The following ZNF518B variants were observed in gnomAD, a reference collection of about 807,000 sequenced individuals.
The protein encoded by ZNF518B is zinc finger protein 518B.
ZNF518B carries 23 observed loss-of-function variants against 56.3 expected under a neutral mutation model. The observed-to-expected ratio is 0.41, with a 90% CI of 0.29 to 0.58. The LOEUF (loss-of-function observed/expected upper bound fraction) is 0.58, where lower values mean the gene tolerates loss of function less well. Among genes scored for constraint, ZNF518B ranks in the 20% least tolerant of loss-of-function variants. The probability of loss-of-function intolerance (pLI) is 0.32; values close to 1 mark genes in which losing one functional copy is unlikely to be tolerated. For missense variants in ZNF518B, 1,460 were observed against 1,272.1 expected (o/e 1.15, Z -2.25); for synonymous variants, 529 against 465.9 (o/e 1.14, Z -1.74).
Position 10,445,435 on chromosome 4 carries a change from A to T in ZNF518B, c.894T>A (p.Ser298=). 6.2e-7 allele frequency: 1 copy of T among 1,614,244 alleles called. No individual in the cohort carries two copies. Among genetic ancestry groups the T allele is most frequent in the Non-Finnish European group, 8.5e-7 (1 of 1,180,040 alleles). The change falls in exon 3 of 3, where the codon TCT becomes TCA. Residue 298 remains serine (S), a synonymous_variant. Coordinates refer to ENST00000326756, the MANE Select transcript of ZNF518B (RefSeq NM_053042.3). ...VVCIPNKMTL[S]EPNEVNLFEN... is the part of the protein sequence containing the mutation. ...CAAATAGGTTGACTTCATTTGGCTC[A>T]GACAGGGTCATTTTATTTGGAATAC...
At chr4:10,448,489 T>C (rs556816672) in intron 2 of ZNF518B, among the ~76,000 whole-genome samples, 2 of 152,280 alleles carry the variant, frequency 1.3e-5, no homozygotes, top group South Asian at 4.1e-4. Context: ...TGACAAGCTG[T>C]ATTTTCTTTG....
chr4:10,448,645 G>T (rs1715171315), intron 2 of ZNF518B, among the ~76,000 whole-genome samples: 1 of 151,940 alleles, frequency 6.6e-6, no homozygotes, highest in Non-Finnish European at 1.5e-5. Flanking sequence ...ATGGAGGCCT[G>T]CAGGGTTGCA....
chr4:10,448,724 T>C (rs931195210), intron 2 of ZNF518B, among the ~76,000 whole-genome samples: 3 of 152,200 alleles, frequency 2.0e-5, no homozygotes, highest in Middle Eastern at 3.4e-3. Flanking sequence ...GACCATGATT[T>C]TGCACAGGAC....
upstream of ZNF518B, among the ~76,000 whole-genome samples, chr4:10,459,805 TG>T (rs1715686300): frequency 6.6e-6 from 1 of 152,142 alleles, no homozygotes; most frequent in Admixed American, 6.5e-5. Context: ...AGAGGGAGCA[TG>T]GCCCTGTGGA....
chr4:10,451,422 T>C (rs1378966653), intron 2 of ZNF518B: 1 of 152,222 alleles, frequency 6.6e-6, no homozygotes, highest in Non-Finnish European at 1.5e-5. Context: ...TTTCTAGATA[T>C]ACAACCTGGG....
intron 2 of ZNF518B, chr4:10,450,892 TG>T (rs1715275135): frequency 6.6e-6 from 1 of 152,238 alleles, no homozygotes; most frequent in South Asian, 2.1e-4. Context: ...ATTAATTTTA[TG>T]GTGCAATAAA....
rs1358340558 is a variant in ZNF518B at position 10,441,439 on chromosome 4, G to A, written c.*1665C>T. The A allele has an allele frequency of 5.1e-4, 71 of 140,094 alleles. No homozygotes were observed. Among genetic ancestry groups the A allele is most frequent in the East Asian group, 8.3e-4 (4 of 4,830 alleles). 8.7% of individuals were successfully genotyped at this position (140,094 alleles called of 1,614,324 possible). Reference sequence around the variant, plus strand: ...ACTGGAATCTAAGACTTTCCCATGTGAAAAAAAAAAAAAAAAATCAAAGTC... The same window carrying A: ...ACTGGAATCTAAGACTTTCCCATGTAAAAAAAAAAAAAAAAAATCAAAGTC... On this transcript the variant is annotated 3_prime_UTR_variant, in exon 3 of 3. Coordinates refer to ENST00000326756, the MANE Select transcript of ZNF518B (RefSeq NM_053042.3).
chr4:10,443,367 G>A lies in ZNF518B; in HGVS notation c.2962C>T (p.His988Tyr), dbSNP rs1714773245. ...RTRCQLGIRR[H>Y]HVRLTYQNAE... ...TTCTGGTAGGTCAGGCGTACATGAT[G>A]CCGTCTGATGCCTAGCTGACACCTA... The change falls in exon 3 of 3, where the codon CAT becomes TAT. Residue 988 changes from histidine to tyrosine, a missense_variant. Coordinates refer to ENST00000326756, the MANE Select transcript of ZNF518B (RefSeq NM_053042.3). The A allele has an allele frequency of 6.2e-7, 1 of 1,614,240 alleles. No homozygotes were observed. Among genetic ancestry groups the A allele is most frequent in the Non-Finnish European group, 8.5e-7 (1 of 1,180,038 alleles).
chr4:10,444,404 C>A lies in ZNF518B; in HGVS notation c.1925G>T (p.Gly642Val). The A allele has an allele frequency of 1.2e-6, 2 of 1,614,170 alleles. No individual in the cohort carries two copies. Among genetic ancestry groups the A allele is most frequent in the South Asian group, 2.2e-5 (2 of 91,082 alleles). Residue 642 changes from glycine (G) to valine (V), a missense_variant, in exon 3 of 3, where the codon GGA becomes GTA. Physicochemically the swap from Gly to Val is moderately radical, Grantham distance 109. Coordinates refer to ENST00000326756, the MANE Select transcript of ZNF518B (RefSeq NM_053042.3). ...AATGCCCTCGGGGACATTTTCAGAT[C>A]CAGAGCTCAGAGAAAATACTGATGA... Reference protein sequence around the residue: ...VISSVFSLSSGSENVPEGIKW... With the variant: ...VISSVFSLSSVSENVPEGIKW...
In ZNF518B at chr4:10,443,542, C is replaced by T; in HGVS notation, c.2787G>A (p.Lys929=). 6.2e-7 allele frequency: 1 copy of T among 1,614,156 alleles called. No individual in the cohort carries two copies. The highest frequency in any genetic ancestry group is 1.1e-5 in the South Asian group (1 of 91,080). Residue 929 remains lysine (K), a synonymous_variant, in exon 3 of 3, where the codon AAG becomes AAA. Transcript: ENST00000326756. ...VARQLRLIAA[K]PDQLIKCPRR... ...GGGGACACTTAATCAACTGATCTGG[C>T]TTAGCTGCTATCAGTCTTAGTTGCC...
intron 1 of ZNF518B, among the ~76,000 whole-genome samples, chr4:10,456,599 T>C (rs1715540301): frequency 6.6e-6 from 1 of 152,180 alleles, no homozygotes; most frequent in Admixed American, 6.5e-5. Context: ...TCGAGTTTAT[T>C]GTCGGCACGC....
chr4:10,460,325 C>CA (rs1043723933), upstream of ZNF518B, among the ~76,000 whole-genome samples: 1 of 57,588 alleles, frequency 1.7e-5, no homozygotes, highest in Admixed American at 2.3e-4. Flanking sequence ...AAAAAAAAAC[C>CA]AAAAAAAAAA....
At chr4:10,451,968 A>G (rs187453174) in intron 2 of ZNF518B, 2 of 152,370 alleles carry the variant, frequency 1.3e-5, no homozygotes, top group East Asian at 1.9e-4. Context: ...TATCGCATAC[A>G]TGCTACATGG....
rs752527771 is a variant in ZNF518B, at chr4:10,445,461, A to C, written c.868T>G (p.Cys290Gly). The change falls in exon 3 of 3, where the codon TGT (cysteine) becomes GGT (glycine). Residue 290 changes from cysteine to glycine, a missense_variant. Cys to Gly is a radical substitution (Grantham distance 159). Transcript: ENST00000326756. ...GACAGGGTCATTTTATTTGGAATAC[A>C]AACTACATCTTTTTGGTATTCCTTT... ...EPKEYQKDVV[C>G]IPNKMTLSEP... 3.0e-5 allele frequency: 48 copies of C among 1,614,148 alleles called. No individual in the cohort carries two copies. The highest frequency in any genetic ancestry group is 2.9e-5 in the Non-Finnish European group (34 of 1,180,050).
Position 10,443,193 on chromosome 4 carries a change from C to T in ZNF518B, c.3136G>A (p.Glu1046Lys). 1 of 1,614,244 alleles carries T rather than the reference C, an allele frequency of 6.2e-7. No homozygotes were observed. The highest frequency in any genetic ancestry group is 8.5e-7 in the Non-Finnish European group (1 of 1,180,046). The change falls in exon 3 of 3, where the codon GAA becomes AAA. Residue 1046 changes from glutamate to lysine, a missense_variant. Coordinates refer to ENST00000326756, the MANE Select transcript of ZNF518B (RefSeq NM_053042.3). ...TGACTCATCCACTCTTCCTGGTCTTCATACAGTCGCCCACAAAACCAGCAC... is the reference window on the plus strand; with the variant it reads ...TGACTCATCCACTCTTCCTGGTCTTTATACAGTCGCCCACAAAACCAGCAC... ...FKCWFCGRLYEDQEEWMSHGQ... is the reference protein window; with the variant it reads ...FKCWFCGRLYKDQEEWMSHGQ...
In ZNF518B at chr4:10,440,243, C is replaced by A. The variant is rs977788808; in HGVS notation, c.*2861G>T. On this transcript the variant is annotated 3_prime_UTR_variant, in exon 3 of 3. Transcript: ENST00000326756. ...TACAAGATGTTCTCGACTGGGGATA[C>A]AAAATTGAATATAATATAGTCTATC... The A allele has an allele frequency of 6.6e-6, 1 of 151,082 alleles. No individual in the cohort carries two copies. Among genetic ancestry groups the A allele is most frequent in the Non-Finnish European group, 1.5e-5 (1 of 67,852 alleles). 9.4% of individuals were successfully genotyped at this position (151,082 alleles called of 1,614,324 possible). A position where few individuals can be genotyped will look rare whatever the true frequency, so the allele number is the denominator to read the frequency against.
chr4:10,445,608 C>G lies in ZNF518B; in HGVS notation c.721G>C (p.Glu241Gln), dbSNP rs1430955476. 2 of 1,614,004 alleles carry G rather than the reference C, an allele frequency of 1.2e-6. No homozygotes were observed. The highest frequency in any genetic ancestry group is 2.7e-5 in the African/African-American group (2 of 74,912). ...KRTGTSKQNP[E>Q]LLKASNPRTT... ...CGTGGATTGGAAGCTTTTAGAAGCT[C>G]TGGGTTTTGTTTTGAAGTTCCGGTT... The change falls in exon 3 of 3, where the codon GAG (glutamate) becomes CAG (glutamine). Residue 241 changes from glutamate to glutamine, a missense_variant. By Grantham distance (29) the Glu-to-Gln change is conservative. Transcript: ENST00000326756.
intron 2 of ZNF518B, chr4:10,453,306 T>C (rs781742212): frequency 5.3e-5 from 8 of 152,174 alleles, no homozygotes; most frequent in African/African-American, 7.2e-5. Flanking sequence ...AAGCAGACAC[T>C]GGTTAGCTTA....
intron 2 of ZNF518B, among the ~76,000 whole-genome samples, chr4:10,447,797 G>A (rs534570925): frequency 1.9e-4 from 29 of 152,036 alleles, no homozygotes; most frequent in African/African-American, 5.8e-4. Context: ...TTACAGGTTT[G>A]CACCACCATG....
Sources: allele counts gnomAD v4.1 joint callset (sites outside exome capture counted in the v4.1 genomes callset), GRCh38; gene constraint gnomAD v4.1.1; transcripts MANE v1.5; gene names NCBI Gene and HGNC (gene_info 2026-07-23, HGNC 2026-07-21).